PDE7B: variants seen among roughly 807,000 people sequenced by gnomAD.
The protein encoded by PDE7B is phosphodiesterase 7B.
Under a neutral mutation model 56.2 loss-of-function variants are expected in PDE7B, and 29 were observed. The observed-to-expected ratio is 0.52, with a 90% CI of 0.38 to 0.70. The LOEUF (loss-of-function observed/expected upper bound fraction) is 0.70. Ranked by LOEUF, PDE7B falls within the 30% of genes least tolerant of loss-of-function variation. The pLI, the probability that PDE7B is intolerant of heterozygous loss-of-function variation, is 0.00. For synonymous variants in PDE7B, 197 were observed against 196.9 expected (o/e 1.00, Z 0.00); for missense variants, 490 against 565.0 (o/e 0.87, Z 1.35).
chr6:136,106,374 G>T (rs1487670842), intron 2 of PDE7B, among the ~76,000 whole-genome samples: 1 of 151,666 alleles, frequency 6.6e-6, no homozygotes, highest in Non-Finnish European at 1.5e-5. Flanking sequence ...TAAAAACCAG[G>T]TCTACACACT....
At chr6:136,159,013 C>T (rs1562509102) in intron 8 of PDE7B, among the ~76,000 whole-genome samples, 1 of 152,168 alleles carries the variant, frequency 6.6e-6, no homozygotes, top group Non-Finnish European at 1.5e-5. Flanking sequence ...CTATCATTTA[C>T]TCATGACACA....
intron 2 of PDE7B, chr6:136,070,134 T>C (rs960301216): frequency 6.6e-6 from 1 of 150,402 alleles, no homozygotes; most frequent in African/African-American, 2.5e-5. Flanking sequence ...TCTTAAAGTA[T>C]GAAAGCCTAT....
At chr6:136,065,482 A>G (rs1270514831) in intron 2 of PDE7B, among the ~76,000 whole-genome samples, 3 of 152,172 alleles carry the variant, frequency 2.0e-5, no homozygotes, top group African/African-American at 7.2e-5. Context: ...GGGAGTGAGA[A>G]GGCATCACAA....
intron 2 of PDE7B, among the ~76,000 whole-genome samples, chr6:136,025,265 C>A (rs749412272): frequency 6.6e-6 from 1 of 152,130 alleles, no homozygotes; most frequent in Non-Finnish European, 1.5e-5. Flanking sequence ...TACCTGCACT[C>A]TTATAATATC....
At chr6:136,146,316 GAGATA>G (rs1354409899) in intron 3 of PDE7B, among the ~76,000 whole-genome samples, 1 of 152,192 alleles carries the variant, frequency 6.6e-6, no homozygotes, top group Non-Finnish European at 1.5e-5. Flanking sequence ...AATTTCAGCT[GAGATA>G]AGAAATATCT....
intron 9 of PDE7B, among the ~76,000 whole-genome samples, chr6:136,177,295 C>G (rs1264484087): frequency 6.6e-6 from 1 of 151,944 alleles, no homozygotes; most frequent in Non-Finnish European, 1.5e-5. Flanking sequence ...AAACCCCCAT[C>G]TCTATTTATA....
chr6:136,163,652 A>C (rs779577310), intron 8 of PDE7B, among the ~76,000 whole-genome samples: 1 of 152,160 alleles, frequency 6.6e-6, no homozygotes, highest in Non-Finnish European at 1.5e-5. Context: ...TCATCAGCCT[A>C]CACATTTTCC....
Position 136,148,117 on chromosome 6 carries a change from CCA to C in PDE7B, c.318+616_318+617del, listed in dbSNP as rs532832649. ...AATTTAAATTTCAGCAATAAATGCC[CCA>C]GTTTAAACAGAAGTCGAAGATAGAT... On this transcript the variant is annotated intron_variant, in intron 4 of 12. Coordinates refer to ENST00000308191, the MANE Select transcript of PDE7B (RefSeq NM_018945.4). 6.0e-3 allele frequency among the ~76,000 whole-genome samples: 913 copies of C among 152,136 alleles called. 13 individuals carry two copies. The highest frequency in any genetic ancestry group is 0.021 in the African/African-American group (880 of 41,494).
At chr6:136,177,595 C>T (rs1301444727) in intron 9 of PDE7B, among the ~76,000 whole-genome samples, 1 of 152,158 alleles carries the variant, frequency 6.6e-6, no homozygotes, top group Non-Finnish European at 1.5e-5. Flanking sequence ...CAGTGAGTTG[C>T]ATGACATGCC....
At chr6:135,957,045 C>T (rs1774808684) in intron 2 of PDE7B, among the ~76,000 whole-genome samples, 2 of 151,984 alleles carry the variant, frequency 1.3e-5, no homozygotes, top group Non-Finnish European at 2.9e-5. Flanking sequence ...GAAGAACTGG[C>T]TGAAGTTTTA....
chr6:135,896,769 C>A (rs181952176), intron 1 of PDE7B, among the ~76,000 whole-genome samples: 52 of 152,240 alleles, frequency 3.4e-4, no homozygotes, highest in East Asian at 1.2e-3. Context: ...CTTAGACTAC[C>A]CAACAGATCT....
chr6:135,909,865 C>T (rs1776181934), intron 1 of PDE7B, among the ~76,000 whole-genome samples: 1 of 152,084 alleles, frequency 6.6e-6, no homozygotes, highest in Non-Finnish European at 1.5e-5. Context: ...GCCGTAGACT[C>T]GGATCCTCGG....
At chr6:136,165,337 G>A (rs1467068753) in intron 8 of PDE7B, among the ~76,000 whole-genome samples, 1 of 152,004 alleles carries the variant, frequency 6.6e-6, no homozygotes, top group East Asian at 1.9e-4. Flanking sequence ...ACTCTTTTTT[G>A]GAGTTATGTA....
rs1288895328 is a variant in PDE7B at position 135,962,192 on chromosome 6, G to A, written c.82+14668G>A. Among the ~76,000 whole-genome samples, 3 of 152,242 alleles carry A rather than the reference G, an allele frequency of 2.0e-5. No homozygotes were observed. In the South Asian group the frequency reaches 6.2e-4, roughly 32 times the overall value. ...AATAATAGTTAAGGCATCATATTTG[G>A]AAAAATCGATAGTTTAGTCCTTTAC... On this transcript the variant is annotated intron_variant, in intron 2 of 12. Coordinates refer to ENST00000308191, the MANE Select transcript of PDE7B (RefSeq NM_018945.4).
chr6:135,935,217 T>TA (rs1554268029), intron 1 of PDE7B, among the ~76,000 whole-genome samples: 4,619 of 90,160 alleles, frequency 0.051, 820 homozygotes, highest in Admixed American at 0.11. Context: ...TATATATATA[T>TA]TTTCATGATT....
At chr6:136,123,794 ATTG>A (rs1160582527) in intron 3 of PDE7B, among the ~76,000 whole-genome samples, 2 of 152,328 alleles carry the variant, frequency 1.3e-5, no homozygotes, top group Non-Finnish European at 2.9e-5. Flanking sequence ...TAGCTTTCTT[ATTG>A]TTGCAATTTC....
intron 3 of PDE7B, among the ~76,000 whole-genome samples, chr6:136,117,965 C>T (rs1246311820): frequency 2.6e-5 from 4 of 152,124 alleles, no homozygotes; most frequent in East Asian, 3.8e-4. Context: ...TTGAATCCTA[C>T]TTATACTGTG....
At chr6:136,100,109 C>A (rs111234334) in intron 2 of PDE7B, among the ~76,000 whole-genome samples, 1 of 152,086 alleles carries the variant, frequency 6.6e-6, no homozygotes, top group East Asian at 1.9e-4. Context: ...TTTCTGAGGC[C>A]TCTGTTCTGT....
At chr6:136,005,772 T>A (rs1435231321) in intron 2 of PDE7B, among the ~76,000 whole-genome samples, 2 of 152,156 alleles carry the variant, frequency 1.3e-5, no homozygotes, top group African/African-American at 2.4e-5. Flanking sequence ...CTAAACTAGT[T>A]CAACCATTGT....
Sources: gnomAD v4.1 joint callset for allele counts (sites outside exome capture counted in the v4.1 genomes callset) on GRCh38, gnomAD v4.1.1 for gene constraint, MANE v1.5 for transcripts, NCBI Gene and HGNC (gene_info 2026-07-23, HGNC 2026-07-21) for gene names.